Variants in PTPRT observed in about 807,000 individuals in gnomAD.
PTPRT encodes the protein protein tyrosine phosphatase receptor type T.
In PTPRT, 56 loss-of-function variants were observed where a neutral mutation model predicts 176.8. That is an observed-to-expected ratio of 0.32 (90% CI 0.26 to 0.40). The LOEUF is 0.40. Among genes scored for constraint, PTPRT ranks in the 10% least tolerant of loss-of-function variants. The pLI is 1.00. For synonymous variants in PTPRT, 783 were observed against 739.0 expected (o/e 1.06, Z -0.96); for missense variants, 1,540 against 1,908.2 (o/e 0.81, Z 3.60).
intron 7 of PTPRT, among the ~76,000 whole-genome samples, chr20:42,526,336 T>G (rs182047332): frequency 1.2e-4 from 18 of 152,316 alleles, no homozygotes; most frequent in Admixed American, 4.6e-4. Context: ...AACGTTTTAC[T>G]GATTTCCATT....
At chr20:43,132,071 A>G (rs1416617881) in intron 1 of PTPRT, among the ~76,000 whole-genome samples, 1 of 152,158 alleles carries the variant, frequency 6.6e-6, no homozygotes, top group Non-Finnish European at 1.5e-5. Context: ...TACTTAAGGG[A>G]AAAATGCTAG....
At chr20:42,421,445 C>T (rs1344707188) in intron 9 of PTPRT, among the ~76,000 whole-genome samples, 1 of 152,038 alleles carries the variant, frequency 6.6e-6, no homozygotes, top group Non-Finnish European at 1.5e-5. Flanking sequence ...GACAAGAAAC[C>T]AGGAGACGTT....
intron 2 of PTPRT, among the ~76,000 whole-genome samples, chr20:42,826,413 T>C (rs759366635): frequency 1.3e-5 from 2 of 152,164 alleles, no homozygotes; most frequent in Admixed American, 6.5e-5. Context: ...ATGCAATACA[T>C]AGACTCAAAA....
At position 42,942,376 on chromosome 20, in the gene PTPRT, A is replaced by C. The variant is rs183183726; in HGVS notation, c.89-56444T>G. The stretch of plus-strand genomic sequence containing the variant: ...CAAATGACACAAGTGTGGTATTTCT[A>C]GACAGGATATGCACTGGGCTTAAAT... On this transcript the variant is annotated intron_variant, in intron 1 of 30. Transcript: ENST00000373187. 2.1e-3 allele frequency among the ~76,000 whole-genome samples: 313 copies of C among 152,356 alleles called. 1 individual carries two copies. The highest frequency in any genetic ancestry group is 2.9e-3 in the Non-Finnish European group (200 of 68,026).
At chr20:42,098,188 G>A (rs942098912) in intron 27 of PTPRT, among the ~76,000 whole-genome samples, 25 of 152,152 alleles carry the variant, frequency 1.6e-4, no homozygotes, top group African/African-American at 6.0e-4. Context: ...GGTCCCGGGC[G>A]GGGAGTTGGA....
intron 27 of PTPRT, among the ~76,000 whole-genome samples, chr20:42,087,872 CAAAAAAAAAAAA>C (rs56235565): frequency 2.2e-5 from 2 of 89,052 alleles, no homozygotes; most frequent in South Asian, 4.8e-4. Flanking sequence ...GACTCCATTT[CAAAAAAAAAAAA>C]AAAAAAAAAA....
intron 1 of PTPRT, among the ~76,000 whole-genome samples, chr20:43,009,147 T>C (rs1221056954): frequency 2.0e-5 from 3 of 152,074 alleles, no homozygotes; most frequent in Non-Finnish European, 2.9e-5. Flanking sequence ...GGTCAATGAA[T>C]TTTTCCCCAG....
chr20:42,801,633 G>A (rs892745783), intron 2 of PTPRT, among the ~76,000 whole-genome samples: 2 of 152,186 alleles, frequency 1.3e-5, no homozygotes, highest in Admixed American at 6.5e-5. Flanking sequence ...AGCCATTACA[G>A]GAATGTGGAA....
chr20:42,294,263 C>A (rs2057356858), intron 12 of PTPRT, among the ~76,000 whole-genome samples: 1 of 151,916 alleles, frequency 6.6e-6, no homozygotes, highest in Non-Finnish European at 1.5e-5. Context: ...CCTGGTAGAT[C>A]AAAACTAAGA....
Position 43,106,586 on chromosome 20 carries a change from G to A in PTPRT, c.88+83060C>T, listed in dbSNP as rs1484149300. Among the ~76,000 whole-genome samples, 3 of 151,136 alleles carry A rather than the reference G, an allele frequency of 2.0e-5. No individual in the cohort carries two copies. In the East Asian group the frequency reaches 5.9e-4, roughly 30 times the overall value. ...GCAGGAGAATTGCTGGAACATGGGA[G>A]GCACAGGTTGCAGTGAGCCGGGATC... On this transcript the variant is annotated intron_variant, in intron 1 of 30. Coordinates refer to ENST00000373187, the MANE Select transcript of PTPRT (RefSeq NM_007050.6).
chr20:42,873,744 G>A (rs2078883787), intron 2 of PTPRT, among the ~76,000 whole-genome samples: 1 of 152,120 alleles, frequency 6.6e-6, no homozygotes, highest in Non-Finnish European at 1.5e-5. Context: ...CACATTTCCA[G>A]TACTCCGTAG....
At chr20:43,025,848 G>A (rs1221949183) in intron 1 of PTPRT, among the ~76,000 whole-genome samples, 1 of 152,046 alleles carries the variant, frequency 6.6e-6, no homozygotes, top group Non-Finnish European at 1.5e-5. Flanking sequence ...CTTTGACTTG[G>A]ATCTCAGACT....
chr20:42,652,412 G>A (rs896325176), intron 7 of PTPRT, among the ~76,000 whole-genome samples: 14 of 152,166 alleles, frequency 9.2e-5, no homozygotes, highest in Admixed American at 3.3e-4. Context: ...CTACCCTGAG[G>A]AATGTGCTGA....
intron 9 of PTPRT, among the ~76,000 whole-genome samples, chr20:42,373,830 C>T (rs937117976): frequency 6.6e-6 from 1 of 152,202 alleles, no homozygotes; most frequent in Non-Finnish European, 1.5e-5. Flanking sequence ...TACCACCCTA[C>T]AGTTCATGAA....
intron 2 of PTPRT, among the ~76,000 whole-genome samples, chr20:42,830,185 C>A (rs1323960448): frequency 6.6e-6 from 1 of 152,102 alleles, no homozygotes; most frequent in African/African-American, 2.4e-5. Context: ...AACATTAATG[C>A]AAAAATTCTC....
chr20:42,555,149 G>A (rs1198109487), intron 7 of PTPRT, among the ~76,000 whole-genome samples: 2 of 152,150 alleles, frequency 1.3e-5, no homozygotes, highest in Admixed American at 6.5e-5. Context: ...TACACTCCTG[G>A]GGACAGATGG....
At chr20:42,688,772 C>T (rs921985036) in intron 6 of PTPRT, among the ~76,000 whole-genome samples, 1 of 152,138 alleles carries the variant, frequency 6.6e-6, no homozygotes, top group Non-Finnish European at 1.5e-5. Context: ...GTTCTCAGCA[C>T]CCTGGTCAGC....
At chr20:42,374,538 C>T (rs140585998) in intron 9 of PTPRT, among the ~76,000 whole-genome samples, 158 of 152,002 alleles carry the variant, frequency 1.0e-3, no homozygotes, top group African/African-American at 3.6e-3. Flanking sequence ...ACATATATGG[C>T]AGAGAACGTC....
chr20:42,856,731 C>T (rs1036361659), intron 2 of PTPRT, among the ~76,000 whole-genome samples: 17 of 152,108 alleles, frequency 1.1e-4, no homozygotes, highest in Admixed American at 3.3e-4. Flanking sequence ...GGAGGACCCT[C>T]ATCTAGTCAT....
Sources: allele counts gnomAD v4.1 joint callset (sites outside exome capture counted in the v4.1 genomes callset), GRCh38; gene constraint gnomAD v4.1.1; transcripts MANE v1.5; gene names NCBI Gene and HGNC (gene_info 2026-07-23, HGNC 2026-07-21).